CACNA2D1: variants seen among roughly 807,000 people sequenced by gnomAD.
The protein encoded by CACNA2D1 is voltage-dependent calcium channel subunit alpha-2/delta-1.
A neutral mutation model predicts 171.5 loss-of-function variants in CACNA2D1; 53 were observed. The ratio of observed to expected loss-of-function variants is 0.31; its 90% CI spans 0.25 to 0.39. CACNA2D1 has a LOEUF of 0.39. CACNA2D1 is among the 10% of genes least tolerant of loss of function. CACNA2D1 has a pLI of 1.00. For synonymous variants in CACNA2D1, 442 were observed against 443.1 expected (o/e 1.00, Z 0.03); for missense variants, 903 against 1,299.8 (o/e 0.69, Z 4.69).
At chr7:81,990,683 T>A (rs1187394728) in intron 21 of CACNA2D1, among the ~76,000 whole-genome samples, 1 of 152,100 alleles carries the variant, frequency 6.6e-6, no homozygotes, top group East Asian at 1.9e-4. Context: ...TGTTGAAGAA[T>A]GGAGAATTAC....
At chr7:82,046,866 ATATT>A (rs1199334610) in intron 10 of CACNA2D1, among the ~76,000 whole-genome samples, 2 of 152,178 alleles carry the variant, frequency 1.3e-5, no homozygotes, top group Non-Finnish European at 2.9e-5. Context: ...GATGTAACCT[ATATT>A]TAGTCTGTTT....
At chr7:82,278,642 A>G (rs1809677762) in intron 3 of CACNA2D1, among the ~76,000 whole-genome samples, 1 of 152,014 alleles carries the variant, frequency 6.6e-6, no homozygotes, top group South Asian at 2.1e-4. Flanking sequence ...AAGTTCCAAA[A>G]ATGGTTACCA....
At chr7:82,260,591 A>G (rs1217212647) in intron 3 of CACNA2D1, among the ~76,000 whole-genome samples, 4 of 152,184 alleles carry the variant, frequency 2.6e-5, no homozygotes, top group Non-Finnish European at 5.9e-5. Context: ...AATTTCAGTA[A>G]GAGTTTTACA....
intron 1 of CACNA2D1, among the ~76,000 whole-genome samples, chr7:82,424,605 A>G (rs1829017099): frequency 6.6e-6 from 1 of 152,354 alleles, no homozygotes; most frequent in African/African-American, 2.4e-5. Context: ...TTACATTTCA[A>G]AAGAATTGTT....
intron 3 of CACNA2D1, among the ~76,000 whole-genome samples, chr7:82,256,501 T>C (rs1806325607): frequency 6.6e-6 from 1 of 152,174 alleles, no homozygotes; most frequent in African/African-American, 2.4e-5. Flanking sequence ...AGAGAAATAC[T>C]GGTTATGAAG....
chr7:82,241,909 A>G (rs1467240341), intron 3 of CACNA2D1, among the ~76,000 whole-genome samples: 4 of 152,178 alleles, frequency 2.6e-5, no homozygotes, highest in Admixed American at 2.6e-4. Flanking sequence ...TGAAAACCTT[A>G]ACACAGAGAA....
At chr7:82,383,692 T>C (rs150260574) in intron 1 of CACNA2D1, among the ~76,000 whole-genome samples, 91 of 152,340 alleles carry the variant, frequency 6.0e-4, no homozygotes, top group Non-Finnish European at 1.1e-3. Flanking sequence ...GTTTATCACC[T>C]GAGCTGTGCC....
intron 3 of CACNA2D1, among the ~76,000 whole-genome samples, chr7:82,290,321 A>G (rs1008624841): frequency 3.3e-5 from 5 of 152,160 alleles, no homozygotes; most frequent in South Asian, 2.1e-4. Context: ...ATTTTAGGTT[A>G]TGGCAAAAAT....
rs1441399613 is a variant in CACNA2D1, at chr7:82,340,366, T to G, written c.178-5115A>C. ...GTTTTTTTTTTTTTTTAATAGGATC[T>G]CACTATGTTGTTCAGGCTGGTCTTG... On this transcript the variant is annotated intron_variant, in intron 2 of 38. Coordinates refer to ENST00000356860, the MANE Select transcript of CACNA2D1 (RefSeq NM_000722.4). 1.3e-4 allele frequency among the ~76,000 whole-genome samples: 20 copies of G among 151,658 alleles called. 1 individual carries two copies. In the Middle Eastern group the frequency reaches 0.01, roughly 78 times the overall value.
chr7:82,232,148 G>C (rs1054953390), intron 3 of CACNA2D1, among the ~76,000 whole-genome samples: 1 of 152,050 alleles, frequency 6.6e-6, no homozygotes, highest in African/African-American at 2.4e-5. Context: ...TATATTTATT[G>C]TTTTTAAAAC....
chr7:82,244,005 A>C (rs74685262), intron 3 of CACNA2D1, among the ~76,000 whole-genome samples: 1,741 of 152,252 alleles, frequency 0.011, 26 homozygotes, highest in African/African-American at 0.039. Context: ...TAACAGATTA[A>C]TTTAGATGTA....
chr7:82,089,402 C>T lies in CACNA2D1; in HGVS notation c.527-4502G>A, dbSNP rs919167451. 4.6e-5 allele frequency among the ~76,000 whole-genome samples: 7 copies of T among 152,202 alleles called. No individual in the cohort carries two copies. In the East Asian group the frequency reaches 9.7e-4, roughly 21 times the overall value. ...AGATCTTTATCCCTGTTAGAAAATT[C>T]GATTTTGTAAAAATTAAGTCTTTTA... On this transcript the variant is annotated intron_variant, in intron 6 of 38. Transcript: ENST00000356860.
rs573090612 is a variant in CACNA2D1 at position 82,360,561 on chromosome 7, T to C, written c.96-10912A>G. Among the ~76,000 whole-genome samples, 3 of 152,318 alleles carry C rather than the reference T, an allele frequency of 2.0e-5. No homozygotes were observed. In the South Asian group the frequency reaches 6.2e-4, roughly 32 times the overall value. ...GCATTAGGTCCACAGCAATTGATTC[T>C]GATATTATTTATAACATGCAAACAG... is the stretch of plus-strand genomic sequence containing the variant. On this transcript the variant is annotated intron_variant, in intron 1 of 38. Coordinates refer to ENST00000356860, the MANE Select transcript of CACNA2D1 (RefSeq NM_000722.4).
chr7:82,040,284 G>C (rs1435467999), intron 10 of CACNA2D1, among the ~76,000 whole-genome samples: 3 of 152,080 alleles, frequency 2.0e-5, no homozygotes, highest in Non-Finnish European at 4.4e-5. Flanking sequence ...AAGGATAGAG[G>C]ACTGGAGGGA....
intron 9 of CACNA2D1, among the ~76,000 whole-genome samples, chr7:82,062,002 A>T (rs1806988366): frequency 1.3e-5 from 2 of 152,156 alleles, no homozygotes; most frequent in South Asian, 4.1e-4. Flanking sequence ...AAATCTTGTG[A>T]CCTCCAGAAT....
At chr7:82,418,677 G>C (rs1425865174) in intron 1 of CACNA2D1, among the ~76,000 whole-genome samples, 1 of 152,040 alleles carries the variant, frequency 6.6e-6, no homozygotes, top group Non-Finnish European at 1.5e-5. Context: ...ATTCTTGTAA[G>C]TGCACTGTCC....
intron 1 of CACNA2D1, among the ~76,000 whole-genome samples, chr7:82,399,597 G>A (rs1826127732): frequency 6.6e-6 from 1 of 152,150 alleles, no homozygotes; most frequent in East Asian, 1.9e-4. Context: ...CAGACAGGGA[G>A]ACTGGCGAAT....
chr7:82,124,235 A>G (rs1252322277), intron 5 of CACNA2D1, among the ~76,000 whole-genome samples: 2 of 152,068 alleles, frequency 1.3e-5, no homozygotes, highest in East Asian at 1.9e-4. Flanking sequence ...ATTCATACTG[A>G]TTTTCTAGAA....
At chr7:82,204,092 T>C (rs1362660715) in intron 3 of CACNA2D1, among the ~76,000 whole-genome samples, 2 of 152,198 alleles carry the variant, frequency 1.3e-5, no homozygotes, top group Non-Finnish European at 2.9e-5. Flanking sequence ...CCATTCCCTA[T>C]GGGGCATAGT....
Sources: allele counts gnomAD v4.1 joint callset (sites outside exome capture counted in the v4.1 genomes callset), GRCh38; gene constraint gnomAD v4.1.1; transcripts MANE v1.5; gene names NCBI Gene and HGNC (gene_info 2026-07-23, HGNC 2026-07-21).